The following LAMA2 variants were observed in gnomAD, a reference collection of about 807,000 sequenced individuals.
LAMA2 encodes laminin subunit alpha 2, also known as laminin subunit alpha-2.
In LAMA2, 269 loss-of-function variants were observed where a neutral mutation model predicts 364.8. The ratio of observed to expected loss-of-function variants is 0.74; its 90% CI spans 0.67 to 0.82. The LOEUF is 0.82. LAMA2 is among the 40% of genes least tolerant of loss of function. The pLI is 0.00. For missense variants in LAMA2, 3,807 were observed against 3,873.2 expected, an observed-to-expected ratio of 0.98 and a Z score of 0.45; for synonymous variants, 1,379 against 1,370.6, an observed-to-expected ratio of 1.01 and a Z score of -0.14.
At chr6:129,219,680 A>C (rs1199693902) in intron 12 of LAMA2, among the ~76,000 whole-genome samples, 3 of 143,900 alleles carry the variant, frequency 2.1e-5, no homozygotes, top group African/African-American at 2.5e-5. Context: ...CTTTGTAGGG[A>C]CATGGATGAA....
At position 129,059,715 on chromosome 6, in the gene LAMA2, A is replaced by C; in HGVS notation, c.284-69A>C. ...GTTTTAACCATTTTTTTTTACTTTAAAGAAAAAGCTATAAACTAGTTATAT... is the reference window on the plus strand; with the variant it reads ...GTTTTAACCATTTTTTTTTACTTTACAGAAAAAGCTATAAACTAGTTATAT... On this transcript the variant is annotated intron_variant, in intron 2 of 64. Coordinates refer to ENST00000421865, the MANE Select transcript of LAMA2 (RefSeq NM_000426.4). 5 of 971,624 alleles carry C rather than the reference A, an allele frequency of 5.1e-6. No homozygotes were observed. In the South Asian group the frequency reaches 5.4e-5, roughly 10 times the overall value. The allele number at this position is 971,624 out of a possible 1,614,324, so 60.2% of individuals were successfully genotyped here.
At chr6:129,389,610 GACGTATAAA>G (rs1045803233) in intron 35 of LAMA2, among the ~76,000 whole-genome samples, 1 of 152,174 alleles carries the variant, frequency 6.6e-6, no homozygotes, top group African/African-American at 2.4e-5. Context: ...ATGAAGAAAA[GACGTATAAA>G]TTGACCACAG....
intron 58 of LAMA2, among the ~76,000 whole-genome samples, chr6:129,501,287 C>T (rs1344607219): frequency 6.6e-6 from 1 of 152,180 alleles, no homozygotes; most frequent in Non-Finnish European, 1.5e-5. Flanking sequence ...AGAGGCCATT[C>T]AGCTGTGCGA....
chr6:129,109,633 T>C (rs912074541), intron 4 of LAMA2, among the ~76,000 whole-genome samples: 2 of 152,024 alleles, frequency 1.3e-5, no homozygotes, highest in South Asian at 2.1e-4. Flanking sequence ...TTAAAAGATA[T>C]ATATTTCTCC....
chr6:129,261,188 C>A (rs1189331066), intron 15 of LAMA2, among the ~76,000 whole-genome samples: 1 of 150,344 alleles, frequency 6.7e-6, no homozygotes, highest in African/African-American at 2.4e-5. Flanking sequence ...TTTTTTTTTA[C>A]TTTTCTCTCA....
chr6:129,285,342 T>G (rs1789030390), intron 18 of LAMA2, among the ~76,000 whole-genome samples: 1 of 152,162 alleles, frequency 6.6e-6, no homozygotes, highest in South Asian at 2.1e-4. Flanking sequence ...ATCACGTATA[T>G]TCACAAATTT....
At chr6:128,892,779 G>T (rs1355075674) in intron 1 of LAMA2, among the ~76,000 whole-genome samples, 1 of 151,718 alleles carries the variant, frequency 6.6e-6, no homozygotes, top group Admixed American at 6.6e-5. Context: ...GGATAGGGAG[G>T]ATTCTTAGTG....
intron 12 of LAMA2, among the ~76,000 whole-genome samples, chr6:129,196,478 C>G (rs149507377): frequency 1.3e-5 from 2 of 152,150 alleles, no homozygotes; most frequent in African/African-American, 4.8e-5. Flanking sequence ...TCAGAAATGC[C>G]CATTGAGTTG....
In LAMA2 at chr6:129,339,245, G is replaced by T. The variant is rs533451987; in HGVS notation, c.4312-3098G>T. ...CAACAAGAAAGTCAAGAAACAGAGAGTAATAGACTCATGGAACTGATGATC... is the reference window on the plus strand; with the variant it reads ...CAACAAGAAAGTCAAGAAACAGAGATTAATAGACTCATGGAACTGATGATC... On this transcript the variant is annotated intron_variant, in intron 29 of 64. Coordinates refer to ENST00000421865, the MANE Select transcript of LAMA2 (RefSeq NM_000426.4). Among the ~76,000 whole-genome samples, 3 of 152,268 alleles carry T rather than the reference G, an allele frequency of 2.0e-5. No individual in the cohort carries two copies. In the South Asian group the frequency reaches 6.2e-4, roughly 32 times the overall value.
chr6:129,325,713 C>G (rs976530382), intron 28 of LAMA2, among the ~76,000 whole-genome samples: 5 of 152,116 alleles, frequency 3.3e-5, no homozygotes, highest in African/African-American at 1.2e-4. Context: ...TTAACCTACT[C>G]ATTTGTGGGA....
chr6:129,362,719 G>A (rs1004486346), intron 32 of LAMA2, among the ~76,000 whole-genome samples: 6 of 152,270 alleles, frequency 3.9e-5, no homozygotes, highest in African/African-American at 1.4e-4. Context: ...TGTTAAGAAA[G>A]CAAAGGAAAT....
chr6:128,990,977 G>T (rs1312877097), intron 1 of LAMA2, among the ~76,000 whole-genome samples: 2 of 152,088 alleles, frequency 1.3e-5, no homozygotes, highest in African/African-American at 2.4e-5. Context: ...GATTATAACG[G>T]GGGAAATTCC....
At chr6:129,164,108 G>A (rs1779598856) in intron 8 of LAMA2, among the ~76,000 whole-genome samples, 1 of 152,048 alleles carries the variant, frequency 6.6e-6, no homozygotes, top group African/African-American at 2.4e-5. Context: ...CAGAGGATAT[G>A]TTCCAGGAAC....
At chr6:129,116,338 T>G (rs1776480861) in intron 4 of LAMA2, among the ~76,000 whole-genome samples, 1 of 152,122 alleles carries the variant, frequency 6.6e-6, no homozygotes, top group African/African-American at 2.4e-5. Context: ...GAATTTTTCT[T>G]GGAGTTGATT....
intron 4 of LAMA2, among the ~76,000 whole-genome samples, chr6:129,141,109 T>C (rs1195517778): frequency 6.6e-6 from 1 of 152,066 alleles, no homozygotes; most frequent in Non-Finnish European, 1.5e-5. Flanking sequence ...ATTTCCTCCT[T>C]TCTTTCAAGT....
At chr6:128,973,089 GA>G (rs200130489) in intron 1 of LAMA2, among the ~76,000 whole-genome samples, 3 of 151,892 alleles carry the variant, frequency 2.0e-5, no homozygotes, top group African/African-American at 4.8e-5. Context: ...ATATTGCAAT[GA>G]AAAAAAAGTT....
Position 128,883,239 on chromosome 6 carries a change from CACT to C in LAMA2, c.-4_-2del. 1 of 1,550,172 alleles carries C rather than the reference CACT, an allele frequency of 6.5e-7. No homozygotes were observed. Among genetic ancestry groups the C allele is most frequent in the Non-Finnish European group, 8.7e-7 (1 of 1,147,718 alleles). On this transcript the variant is annotated 5_prime_UTR_variant, in exon 1 of 65. Coordinates refer to ENST00000421865, the MANE Select transcript of LAMA2 (RefSeq NM_000426.4). Reference sequence around the variant, plus strand: ...CCCGAGAAGTGGATCCGGTCGCGGCCACTACGATGCCGGGAGCCGCCGGGGTCC... The same window carrying C: ...CCCGAGAAGTGGATCCGGTCGCGGCCACGATGCCGGGAGCCGCCGGGGTCC...
intron 1 of LAMA2, among the ~76,000 whole-genome samples, chr6:128,891,893 T>A (rs900766949): frequency 1.3e-5 from 2 of 152,048 alleles, no homozygotes; most frequent in African/African-American, 4.8e-5. Context: ...TGGAGGTAAC[T>A]GAATCGTAGA....
At chr6:128,939,368 T>C (rs1780025127) in intron 1 of LAMA2, among the ~76,000 whole-genome samples, 1 of 151,950 alleles carries the variant, frequency 6.6e-6, no homozygotes, top group Non-Finnish European at 1.5e-5. Context: ...GCTTGATACA[T>C]AGTAGCCATT....
Sources: allele counts gnomAD v4.1 joint callset (sites outside exome capture counted in the v4.1 genomes callset), GRCh38; gene constraint gnomAD v4.1.1; transcripts MANE v1.5; gene names NCBI Gene and HGNC (gene_info 2026-07-23, HGNC 2026-07-21).